The following UAP1 variants were observed in gnomAD, a reference collection of about 807,000 sequenced individuals.
UAP1 encodes UDP-N-acetylglucosamine pyrophosphorylase 1.
Under a neutral mutation model 58.5 loss-of-function variants are expected in UAP1, and 25 were observed. That is an observed-to-expected ratio of 0.43 (90% CI 0.31 to 0.60). UAP1 has a LOEUF of 0.60. UAP1 is among the 20% of genes least tolerant of loss of function. The probability of loss-of-function intolerance (pLI) is 0.11; values close to 1 mark genes in which losing one functional copy is unlikely to be tolerated. For synonymous variants in UAP1, 208 were observed against 213.0 expected (o/e 0.98, Z 0.21); for missense variants, 575 against 630.0 (o/e 0.91, Z 0.93).
At position 162,572,566 on chromosome 1, in the gene UAP1, TA is replaced by T. The variant is rs1653932545; in HGVS notation, c.281-4207del. Reference sequence around the variant, plus strand: ...AAGAAGGTTGGCACCATGTTAAGAGTAAAACAACTTAAAACACATGTGCCAT... The same window carrying T: ...AAGAAGGTTGGCACCATGTTAAGAGTAAACAACTTAAAACACATGTGCCAT... On this transcript the variant is annotated intron_variant, in intron 2 of 10. Transcript: ENST00000271469. Among the ~76,000 whole-genome samples, 3 of 152,074 alleles carry T rather than the reference TA, an allele frequency of 2.0e-5. No individual in the cohort carries two copies. The South Asian group carries it at 6.2e-4, about 31-fold the overall frequency.
chr1:162,592,319 G>T (rs563206696), intron 8 of UAP1, among the ~76,000 whole-genome samples: 2 of 152,174 alleles, frequency 1.3e-5, no homozygotes, highest in Non-Finnish European at 2.9e-5. Context: ...AACCCGGGAG[G>T]GAGAAGTTTC....
At chr1:162,585,960 A>C (rs1450670922) in intron 5 of UAP1, among the ~76,000 whole-genome samples, 1 of 152,188 alleles carries the variant, frequency 6.6e-6, no homozygotes, top group African/African-American at 2.4e-5. Flanking sequence ...CCTTCAGTTT[A>C]ATCTACTTCC....
rs76187620 is a variant in UAP1, at chr1:162,581,347, A to G, written c.722A>G (p.Gln241Arg). 381 of 1,614,110 alleles carry G rather than the reference A, an allele frequency of 2.4e-4. 3 individuals are homozygous for G. The East Asian group carries it at 7.9e-3, about 33-fold the overall frequency. The change falls in exon 5 of 11, where the codon CAA becomes CGA. Residue 241 changes from glutamine to arginine, a missense_variant. By Grantham distance (43) the Gln-to-Arg change is conservative (BLOSUM62 1). Coordinates refer to ENST00000271469, the Ensembl canonical transcript of UAP1. ...CAGAATATTGTGGAGGATATGGAGC[A>G]AAGAGGCATTTGGAGCATTCATGTC...
chr1:162,572,588 G>A (rs747725687), intron 2 of UAP1, among the ~76,000 whole-genome samples: 6 of 152,180 alleles, frequency 3.9e-5, no homozygotes, highest in Non-Finnish European at 7.4e-5. Flanking sequence ...AAACACATGT[G>A]CCATATGAAG....
intron 9 of UAP1, among the ~76,000 whole-genome samples, chr1:162,595,718 A>AAG (rs1490282503): frequency 3.3e-5 from 5 of 152,228 alleles, no homozygotes; most frequent in Non-Finnish European, 5.9e-5. Flanking sequence ...TGGGATGTTC[A>AAG]AGATGCACAT....
chr1:162,593,871 C>T (rs12122366), intron 9 of UAP1: 7,659 of 152,270 alleles, frequency 0.05, 257 homozygotes, highest in Middle Eastern at 0.085. Flanking sequence ...GTGTCACCCA[C>T]GTGCTTTTTC....
At chr1:162,565,295 A>G (rs530180611) in intron 1 of UAP1, among the ~76,000 whole-genome samples, 1 of 152,132 alleles carries the variant, frequency 6.6e-6, no homozygotes, top group Non-Finnish European at 1.5e-5. Context: ...ATTTTTTAGC[A>G]CTATGAAGTT....
At chr1:162,575,280 G>A (rs1654106441) in intron 2 of UAP1, among the ~76,000 whole-genome samples, 1 of 151,116 alleles carries the variant, frequency 6.6e-6, no homozygotes, top group Admixed American at 6.6e-5. Context: ...TGTTGGTCAG[G>A]CTGGTCTTGA....
At chr1:162,591,312 A>G (rs1655298599) in intron 8 of UAP1, among the ~76,000 whole-genome samples, 1 of 152,156 alleles carries the variant, frequency 6.6e-6, no homozygotes, top group South Asian at 2.1e-4. Context: ...GTCCAATGGC[A>G]GTTTTCACTG....
At chr1:162,600,327 G>A (rs1294297742), downstream of UAP1, among the ~76,000 whole-genome samples, 1 of 152,028 alleles carries the variant, frequency 6.6e-6, no homozygotes, top group Non-Finnish European at 1.5e-5. Context: ...GGCTATTCCA[G>A]TTTTTTGTTA....
intron 2 of UAP1, among the ~76,000 whole-genome samples, chr1:162,566,598 A>T (rs1571051519): frequency 1.3e-5 from 2 of 151,804 alleles, no homozygotes; most frequent in Admixed American, 6.6e-5. Flanking sequence ...TTCCTGAAGC[A>T]CAAGTTAAAT....
chr1:162,561,882 G>C (rs886351058), intron 1 of UAP1, 105 bp downstream of exon 1: 1 of 152,340 alleles, frequency 6.6e-6, no homozygotes, highest in Non-Finnish European at 1.5e-5. Context: ...ACGTGGACAC[G>C]CGTCGCACGA....
intron 5 of UAP1, among the ~76,000 whole-genome samples, chr1:162,583,500 C>A (rs112049939): frequency 1.3e-4 from 20 of 151,962 alleles, no homozygotes; most frequent in Admixed American, 3.9e-4. Flanking sequence ...TGTACTGTTA[C>A]GAGCTTCAGA....
chr1:162,567,938 G>A (rs1164887287), intron 2 of UAP1, among the ~76,000 whole-genome samples: 1 of 152,084 alleles, frequency 6.6e-6, no homozygotes, highest in African/African-American at 2.4e-5. Flanking sequence ...TGGGATTACA[G>A]GTTCGTACCA....
chr1:162,576,957 A>T (rs764252034), exon 3 of UAP1: 1 of 1,614,196 alleles, frequency 6.2e-7, no homozygotes, highest in South Asian at 1.1e-5. Context: ...GAAAAATATT[A>T]TGGCAACAAA....
chr1:162,589,110 ATATATATATTT>A (rs1236989117), intron 7 of UAP1, among the ~76,000 whole-genome samples: 11 of 118,128 alleles, frequency 9.3e-5, no homozygotes, highest in African/African-American at 2.7e-4. Context: ...TATATATATT[ATATATATATTT>A]TATATATATA....
At chr1:162,591,496 T>G (rs1197198721) in intron 8 of UAP1, among the ~76,000 whole-genome samples, 2 of 152,228 alleles carry the variant, frequency 1.3e-5, no homozygotes, top group Non-Finnish European at 2.9e-5. Context: ...TTTGTTTGTT[T>G]GTTTTTTGGA....
At chr1:162,596,989 G>C (rs935708787) in intron 9 of UAP1, among the ~76,000 whole-genome samples, 9 of 152,202 alleles carry the variant, frequency 5.9e-5, no homozygotes, top group African/African-American at 2.2e-4. Context: ...TAGGGACTTT[G>C]ACCTTGCCTT....
intron 7 of UAP1, among the ~76,000 whole-genome samples, chr1:162,589,165 A>G (rs1182521585): frequency 9.7e-6 from 1 of 103,548 alleles, no homozygotes; most frequent in South Asian, 2.4e-4. Context: ...ATTATATATA[A>G]TATATAAATA....
Sources: allele counts gnomAD v4.1 joint callset (sites outside exome capture counted in the v4.1 genomes callset), GRCh38; gene constraint gnomAD v4.1.1; transcripts MANE v1.5; gene names NCBI Gene and HGNC (gene_info 2026-07-23, HGNC 2026-07-21).